Variants in TSHZ1 observed in about 807,000 individuals in gnomAD.
The protein encoded by TSHZ1 is teashirt zinc finger homeobox 1.
Under a neutral mutation model 67.1 loss-of-function variants are expected in TSHZ1, and 12 were observed. That is an observed-to-expected ratio of 0.18 (90% CI 0.11 to 0.29). The LOEUF (loss-of-function observed/expected upper bound fraction) is 0.29. TSHZ1 is among the 10% of genes least tolerant of loss of function. The pLI, the probability that TSHZ1 is intolerant of heterozygous loss-of-function variation, is 1.00. For synonymous variants in TSHZ1, 632 were observed against 622.4 expected (o/e 1.02, Z -0.23); for missense variants, 1,305 against 1,413.9 (o/e 0.92, Z 1.23).
intron 1 of TSHZ1, among the ~76,000 whole-genome samples, chr18:75,223,619 G>C (rs2022878330): frequency 7.2e-6 from 1 of 139,218 alleles, no homozygotes; most frequent in South Asian, 2.5e-4. Context: ...TTGAAAGACA[G>C]ATTCCTTAAA....
chr18:75,278,043 G>T (rs1201210269), intron 1 of TSHZ1, among the ~76,000 whole-genome samples: 1 of 152,060 alleles, frequency 6.6e-6, no homozygotes, highest in Non-Finnish European at 1.5e-5. Flanking sequence ...CCACGCTAAG[G>T]GGGTGGGTGG....
At position 75,289,380 on chromosome 18, in the gene TSHZ1, A is replaced by T. The variant is rs1271442948; in HGVS notation, c.*739A>T. 1.8e-5 allele frequency: 3 copies of T among 166,960 alleles called. No homozygotes were observed. Among genetic ancestry groups the T allele is most frequent in the Non-Finnish European group, 4.4e-5 (3 of 68,120 alleles). The allele number at this position is 166,960 out of a possible 1,614,324, so 10.3% of individuals were successfully genotyped here. ...AAAAAAAGTATGCAAGCTATTATTT[A>T]AAAATGTGTAAAAATGCTATTTCTT... On this transcript the variant is annotated 3_prime_UTR_variant, in exon 2 of 2. Coordinates refer to ENST00000580243, the MANE Select transcript of TSHZ1 (RefSeq NM_001308210.2).
At chr18:75,282,094 G>A (rs994140774) in intron 1 of TSHZ1, among the ~76,000 whole-genome samples, 2 of 152,158 alleles carry the variant, frequency 1.3e-5, no homozygotes, top group African/African-American at 4.8e-5. Context: ...TCTTAGGAGG[G>A]CCTTCTCGTT....
intron 1 of TSHZ1, among the ~76,000 whole-genome samples, chr18:75,214,537 G>C (rs1440474933): frequency 6.6e-6 from 1 of 152,120 alleles, no homozygotes; most frequent in Non-Finnish European, 1.5e-5. Flanking sequence ...TCTTAAAGCT[G>C]CATGTTGGCC....
chr18:75,259,713 G>T (rs551155160), intron 1 of TSHZ1, among the ~76,000 whole-genome samples: 1 of 152,010 alleles, frequency 6.6e-6, no homozygotes, highest in Non-Finnish European at 1.5e-5. Flanking sequence ...TTTATAATGG[G>T]TATGTACGTA....
chr18:75,274,001 G>A (rs892772558), intron 1 of TSHZ1, among the ~76,000 whole-genome samples: 1 of 152,142 alleles, frequency 6.6e-6, no homozygotes, highest in Non-Finnish European at 1.5e-5. Flanking sequence ...ATGCATGCGC[G>A]TGAAGGCCGG....
intron 1 of TSHZ1, among the ~76,000 whole-genome samples, chr18:75,229,691 C>T (rs975760698): frequency 7.2e-5 from 11 of 152,134 alleles, no homozygotes; most frequent in Admixed American, 5.9e-4. Flanking sequence ...TGGGTGCTGG[C>T]GATAGTAGGT....
chr18:75,211,825 G>A lies in TSHZ1; in HGVS notation c.-52G>A. The A allele has an allele frequency of 9.1e-7, 1 of 1,094,694 alleles. No homozygotes were observed. The highest frequency in any genetic ancestry group is 5.2e-5 in the Admixed American group (1 of 19,246). 67.8% of individuals were successfully genotyped at this position (1,094,694 alleles called of 1,614,324 possible). ...CGCGCCCGGGGCCCCGCGTCCCCGC[G>A]CCCCGCGAACTCCGGCGGCGGCTGA... is the stretch of plus-strand genomic sequence containing the variant. On this transcript the variant is annotated 5_prime_UTR_variant, in exon 1 of 2. Coordinates refer to ENST00000580243, the MANE Select transcript of TSHZ1 (RefSeq NM_001308210.2).
chr18:75,262,721 C>T (rs554386414), intron 1 of TSHZ1, among the ~76,000 whole-genome samples: 1 of 152,274 alleles, frequency 6.6e-6, no homozygotes, highest in East Asian at 1.9e-4. Flanking sequence ...GGCCATGCCT[C>T]CCCTTATGTA....
At chr18:75,252,596 C>G (rs1367740936) in intron 1 of TSHZ1, among the ~76,000 whole-genome samples, 4 of 152,270 alleles carry the variant, frequency 2.6e-5, no homozygotes, top group African/African-American at 9.6e-5. Context: ...TTTGATACAT[C>G]TAAAATTAAT....
At chr18:75,248,907 T>C (rs2023257607) in intron 1 of TSHZ1, among the ~76,000 whole-genome samples, 1 of 152,134 alleles carries the variant, frequency 6.6e-6, no homozygotes, top group Non-Finnish European at 1.5e-5. Context: ...TGGTGTGCCG[T>C]GAAGCCATAG....
chr18:75,285,922 C>T lies in TSHZ1; in HGVS notation c.515C>T (p.Thr172Met), dbSNP rs961482761. ...TCPVSTTGPTTSTPSTSCSSS... is the reference protein window; with the variant it reads ...TCPVSTTGPTMSTPSTSCSSS... ...CCCGTCAGCACCACTGGCCCCACCACGAGCACGCCCAGCACCAGCTGCAGC... is the reference window on the plus strand; with the variant it reads ...CCCGTCAGCACCACTGGCCCCACCATGAGCACGCCCAGCACCAGCTGCAGC... The change falls in exon 2 of 2, where the codon ACG (threonine) becomes ATG (methionine). Residue 172 changes from threonine (T) to methionine (M), a missense_variant. Thr to Met is a moderately conservative substitution (Grantham distance 81). Transcript: ENST00000580243. 1.9e-5 allele frequency: 29 copies of T among 1,543,580 alleles called. No homozygotes were observed. The highest frequency in any genetic ancestry group is 1.1e-4 in the African/African-American group (8 of 72,156).
At chr18:75,270,518 G>T (rs1207640127) in intron 1 of TSHZ1, among the ~76,000 whole-genome samples, 2 of 151,920 alleles carry the variant, frequency 1.3e-5, no homozygotes, top group Non-Finnish European at 1.5e-5. Context: ...TTACAAGTGT[G>T]CTGGGAAAAT....
At chr18:75,232,527 T>G (rs1457840127) in intron 1 of TSHZ1, among the ~76,000 whole-genome samples, 1 of 152,232 alleles carries the variant, frequency 6.6e-6, no homozygotes, top group Non-Finnish European at 1.5e-5. Context: ...ATATATATCT[T>G]ATTTATTTAG....
At chr18:75,257,096 G>C (rs2023370706) in intron 1 of TSHZ1, among the ~76,000 whole-genome samples, 2 of 152,186 alleles carry the variant, frequency 1.3e-5, no homozygotes, top group African/African-American at 4.8e-5. Context: ...GCTGATGAAA[G>C]GGGCCCATAC....
At chr18:75,213,342 G>A (rs1033293317) in intron 1 of TSHZ1, among the ~76,000 whole-genome samples, 7 of 152,216 alleles carry the variant, frequency 4.6e-5, no homozygotes, top group Non-Finnish European at 1.0e-4. Context: ...AGTAATGGAG[G>A]AAGAAACCTT....
At chr18:75,213,096 G>A (rs908261556) in intron 1 of TSHZ1, among the ~76,000 whole-genome samples, 12 of 152,148 alleles carry the variant, frequency 7.9e-5, no homozygotes, top group South Asian at 2.1e-4. Context: ...TAATGTGCAC[G>A]TGTTCAAGTC....
At chr18:75,224,611 T>C (rs1284092564) in intron 1 of TSHZ1, among the ~76,000 whole-genome samples, 1 of 152,222 alleles carries the variant, frequency 6.6e-6, no homozygotes, top group Non-Finnish European at 1.5e-5. Context: ...CTCTTATTTA[T>C]AGCCATCTAA....
chr18:75,270,485 C>T (rs1269693091), intron 1 of TSHZ1, among the ~76,000 whole-genome samples: 3 of 152,196 alleles, frequency 2.0e-5, no homozygotes, highest in African/African-American at 7.2e-5. Flanking sequence ...TTTTTTCTCT[C>T]AAATATAGTC....
Sources: allele counts gnomAD v4.1 joint callset (sites outside exome capture counted in the v4.1 genomes callset), GRCh38; gene constraint gnomAD v4.1.1; transcripts MANE v1.5; gene names NCBI Gene and HGNC (gene_info 2026-07-23, HGNC 2026-07-21).